Variants in GRIA1 observed in about 807,000 individuals in gnomAD.
GRIA1 encodes the protein glutamate receptor 1.
A neutral mutation model predicts 99.2 loss-of-function variants in GRIA1; 31 were observed. The ratio of observed to expected loss-of-function variants is 0.31; its 90% CI spans 0.23 to 0.42. The LOEUF (loss-of-function observed/expected upper bound fraction) is 0.42, where lower values mean the gene tolerates loss of function less well. Among genes scored for constraint, GRIA1 ranks in the 10% least tolerant of loss-of-function variants. The pLI is 1.00. For missense variants in GRIA1, 782 were observed against 1,157.5 expected, an observed-to-expected ratio of 0.68 and a Z score of 4.71; for synonymous variants, 438 against 432.4, an observed-to-expected ratio of 1.01 and a Z score of -0.16.
intron 4 of GRIA1, among the ~76,000 whole-genome samples, chr5:153,655,101 C>A (rs1754844062): frequency 6.6e-6 from 1 of 152,172 alleles, no homozygotes; most frequent in African/African-American, 2.4e-5. Context: ...GATACTGCCA[C>A]CAGGCTACTA....
In GRIA1 at chr5:153,811,332, C is replaced by G. The variant is rs1766809820; in HGVS notation, c.*107C>G. ...CAAAATGAAACGCAACCACCACCAA[C>G]CACTGCGACCACAAGAAGGATGATT... On this transcript the variant is annotated 3_prime_UTR_variant, in exon 16 of 16. Transcript: ENST00000285900. The G allele has an allele frequency of 1.4e-6, 1 of 710,384 alleles. No individual in the cohort carries two copies. Among genetic ancestry groups the G allele is most frequent in the Non-Finnish European group, 2.5e-6 (1 of 399,770 alleles). The allele number at this position is 710,384 out of a possible 1,614,324, so 44.0% of individuals were successfully genotyped here.
chr5:153,500,477 T>C (rs1754890703), intron 2 of GRIA1, among the ~76,000 whole-genome samples: 1 of 152,046 alleles, frequency 6.6e-6, no homozygotes, highest in Non-Finnish European at 1.5e-5. Context: ...GCACTAGAAA[T>C]TGAGAAAAAT....
At chr5:153,742,132 G>A (rs1761847408) in intron 11 of GRIA1, among the ~76,000 whole-genome samples, 1 of 152,132 alleles carries the variant, frequency 6.6e-6, no homozygotes, top group Admixed American at 6.5e-5. Context: ...TGCTTTAGAA[G>A]AGATTGCACC....
intron 2 of GRIA1, among the ~76,000 whole-genome samples, chr5:153,613,710 CTT>C (rs11362282): frequency 0.098 from 14,426 of 147,956 alleles, 831 homozygotes; most frequent in Middle Eastern, 0.18. Context: ...GAAACAGCCA[CTT>C]TTTTTTTTTT....
chr5:153,764,687 T>C (rs1254132880), intron 12 of GRIA1, 55 bp downstream of exon 12: 1 of 1,253,356 alleles, frequency 8.0e-7, no homozygotes, highest in African/African-American at 1.5e-5. Flanking sequence ...ACAACTGTCA[T>C]TAAAATGTCC....
chr5:153,696,745 T>C (rs1320932443), intron 8 of GRIA1, among the ~76,000 whole-genome samples: 1 of 152,212 alleles, frequency 6.6e-6, no homozygotes, highest in Non-Finnish European at 1.5e-5. Flanking sequence ...TCCTTTTTCC[T>C]TTGTATCTAG....
chr5:153,494,154 G>T lies in GRIA1; in HGVS notation c.220+89G>T. 4.4e-6 allele frequency: 6 copies of T among 1,370,680 alleles called. No individual in the cohort carries two copies. The South Asian group carries it at 7.6e-5, about 17-fold the overall frequency. The allele number at this position is 1,370,680 out of a possible 1,614,324, so 84.9% of individuals were successfully genotyped here. On this transcript the variant is annotated intron_variant, in intron 2 of 15. Coordinates refer to ENST00000285900, the MANE Select transcript of GRIA1 (RefSeq NM_000827.4). ...GGGTAGGTGGTGGTGTTGCAAAAAT[G>T]ACTTCAGTTGCCATTCGTCTTTGTA...
chr5:153,649,436 T>TTAG (rs1561727522), intron 3 of GRIA1, among the ~76,000 whole-genome samples: 10 of 97,126 alleles, frequency 1.0e-4, no homozygotes, highest in African/African-American at 2.3e-4. Flanking sequence ...ATTTTATTTA[T>TTAG]TTATTTAGTT....
chr5:153,572,545 G>A (rs1762205218), intron 2 of GRIA1, among the ~76,000 whole-genome samples: 2 of 152,176 alleles, frequency 1.3e-5, no homozygotes, highest in Non-Finnish European at 2.9e-5. Context: ...CAATTGATTA[G>A]AGCTGTCAGC....
chr5:153,582,772 TC>T (rs758620356), intron 2 of GRIA1, among the ~76,000 whole-genome samples: 13 of 152,074 alleles, frequency 8.5e-5, no homozygotes, highest in Non-Finnish European at 8.8e-5. Flanking sequence ...ACTATGCGTT[TC>T]CCACTCCTTC....
At chr5:153,503,822 C>G (rs1320028934) in intron 2 of GRIA1, among the ~76,000 whole-genome samples, 1 of 152,218 alleles carries the variant, frequency 6.6e-6, no homozygotes, top group Admixed American at 6.5e-5. Context: ...AGAAACCCAA[C>G]TAACTGGATA....
intron 14 of GRIA1, among the ~76,000 whole-genome samples, chr5:153,797,031 C>T (rs1031663096): frequency 6.6e-6 from 1 of 152,166 alleles, no homozygotes; most frequent in Non-Finnish European, 1.5e-5. Context: ...TGCTCCTTCC[C>T]CTTCCCACTG....
chr5:153,635,737 A>C (rs1753301616), intron 2 of GRIA1, among the ~76,000 whole-genome samples: 1 of 152,162 alleles, frequency 6.6e-6, no homozygotes, highest in East Asian at 1.9e-4. Flanking sequence ...CACGTGGTAG[A>C]GCCTTGGCCT....
chr5:153,722,182 G>T (rs1760118590), intron 11 of GRIA1, among the ~76,000 whole-genome samples: 1 of 151,884 alleles, frequency 6.6e-6, no homozygotes, highest in African/African-American at 2.4e-5. Flanking sequence ...TTTTCTTATT[G>T]TTGTACAAGT....
At chr5:153,665,841 C>T (rs946362908) in intron 5 of GRIA1, among the ~76,000 whole-genome samples, 5 of 152,270 alleles carry the variant, frequency 3.3e-5, no homozygotes, top group African/African-American at 1.2e-4. Flanking sequence ...AGGACCACAT[C>T]TTTCTGCCTT....
chr5:153,504,804 G>A (rs532967987), intron 2 of GRIA1, among the ~76,000 whole-genome samples: 35 of 152,274 alleles, frequency 2.3e-4, no homozygotes, highest in South Asian at 1.2e-3. Flanking sequence ...AGTTGAGGTT[G>A]TCGGCTGTAA....
chr5:153,665,498 C>T (rs1357098805), intron 5 of GRIA1, among the ~76,000 whole-genome samples: 3 of 152,200 alleles, frequency 2.0e-5, no homozygotes, highest in African/African-American at 4.8e-5. Flanking sequence ...AGGGAGAGGA[C>T]ACCTTAAAGG....
intron 7 of GRIA1, among the ~76,000 whole-genome samples, chr5:153,684,697 G>T (rs1192388447): frequency 2.0e-5 from 3 of 152,160 alleles, no homozygotes; most frequent in South Asian, 4.1e-4. Context: ...GATTACTGAG[G>T]TGATAAGAAG....
At chr5:153,561,125 G>T (rs913195155) in intron 2 of GRIA1, among the ~76,000 whole-genome samples, 2 of 152,168 alleles carry the variant, frequency 1.3e-5, no homozygotes, top group African/African-American at 2.4e-5. Context: ...TTTAGTAAAC[G>T]TGGGGAAGGG....
Sources: allele counts gnomAD v4.1 joint callset (sites outside exome capture counted in the v4.1 genomes callset), GRCh38; gene constraint gnomAD v4.1.1; transcripts MANE v1.5; gene names NCBI Gene and HGNC (gene_info 2026-07-23, HGNC 2026-07-21).